Variants in ENOX1 observed in about 807,000 individuals in gnomAD.
ENOX1 encodes the protein candidate growth-related and time keeping constitutive hydroquinone (NADH) oxidase.
ENOX1 carries 42 observed loss-of-function variants against 82.5 expected under a neutral mutation model. The ratio of observed to expected loss-of-function variants is 0.51; its 90% CI spans 0.40 to 0.66. The LOEUF (loss-of-function observed/expected upper bound fraction) is 0.66. ENOX1 is among the 30% of genes least tolerant of loss of function. ENOX1 has a pLI of 0.00. For synonymous variants in ENOX1, 271 were observed against 282.2 expected (o/e 0.96, Z 0.40); for missense variants, 608 against 811.6 (o/e 0.75, Z 3.05).
chr13:43,771,243 C>A (rs1247208178), intron 1 of ENOX1, among the ~76,000 whole-genome samples: 1 of 152,134 alleles, frequency 6.6e-6, no homozygotes, highest in Non-Finnish European at 1.5e-5. Flanking sequence ...AGAGCAGGAA[C>A]CTTTGAGGCC....
intron 12 of ENOX1, among the ~76,000 whole-genome samples, chr13:43,293,841 A>G (rs2046145568): frequency 6.6e-6 from 1 of 152,222 alleles, no homozygotes; most frequent in South Asian, 2.1e-4. Flanking sequence ...TATTTTAGGA[A>G]AGTAGTAATG....
At chr13:43,311,131 C>G (rs1377030236) in intron 11 of ENOX1, among the ~76,000 whole-genome samples, 2 of 151,894 alleles carry the variant, frequency 1.3e-5, no homozygotes, top group Non-Finnish European at 2.9e-5. Context: ...GAGACACACT[C>G]GACATAACAT....
At chr13:43,749,453 C>G (rs1005014892) in intron 1 of ENOX1, among the ~76,000 whole-genome samples, 7 of 152,232 alleles carry the variant, frequency 4.6e-5, no homozygotes, top group Non-Finnish European at 8.8e-5. Flanking sequence ...TGAACAGGTA[C>G]AGAGAGGCAC....
At chr13:43,776,437 A>C (rs557050559) in intron 1 of ENOX1, among the ~76,000 whole-genome samples, 1 of 148,778 alleles carries the variant, frequency 6.7e-6, no homozygotes, top group African/African-American at 2.6e-5. Context: ...GGAACTAGTA[A>C]GATTTTTTTG....
At chr13:43,785,500 T>TA (rs1392219994) in intron 1 of ENOX1, among the ~76,000 whole-genome samples, 1 of 152,204 alleles carries the variant, frequency 6.6e-6, no homozygotes, top group Non-Finnish European at 1.5e-5. Flanking sequence ...GGTCTGCTTT[T>TA]AAAAATTGCT....
intron 3 of ENOX1, among the ~76,000 whole-genome samples, chr13:43,442,073 G>A (rs1473175460): frequency 6.6e-6 from 1 of 151,996 alleles, no homozygotes; most frequent in African/African-American, 2.4e-5. Context: ...ACAGACCAGG[G>A]CCCCAGAGCC....
At chr13:43,467,978 T>C (rs980410807) in intron 3 of ENOX1, among the ~76,000 whole-genome samples, 3 of 113,872 alleles carry the variant, frequency 2.6e-5, no homozygotes, top group African/African-American at 1.0e-4. Flanking sequence ...TGGCCACAGA[T>C]ATAAGGTTTA....
chr13:43,526,076 T>C (rs147933514), intron 2 of ENOX1, among the ~76,000 whole-genome samples: 184 of 152,296 alleles, frequency 1.2e-3, no homozygotes, highest in Middle Eastern at 0.01. Flanking sequence ...CAAACAATGC[T>C]CTATGCAGGC....
At chr13:43,367,697 T>C (rs2050940056) in intron 5 of ENOX1, among the ~76,000 whole-genome samples, 1 of 137,702 alleles carries the variant, frequency 7.3e-6, no homozygotes, top group Non-Finnish European at 1.5e-5. Context: ...GTGTGGTACT[T>C]TGATACAGCA....
At chr13:43,637,429 T>C (rs1467062412) in intron 2 of ENOX1, among the ~76,000 whole-genome samples, 2 of 152,122 alleles carry the variant, frequency 1.3e-5, no homozygotes, top group Non-Finnish European at 2.9e-5. Flanking sequence ...CCACAGATGA[T>C]ACCAAAAATT....
At position 43,786,102 on chromosome 13, in the gene ENOX1, C is replaced by T. The variant is rs1210227941; in HGVS notation, c.-285+550G>A. ...GAGAGGGGACAGTCACGAATAACAA[C>T]AGTACCCAGCGCAGACTAGGCGGGG... On this transcript the variant is annotated intron_variant, in intron 1 of 16. Transcript: ENST00000690772. This position sits in a 1 kb window ranked among gnomAD's most constrained non-coding sequence, Gnocchi z 6.0. Among the ~76,000 whole-genome samples the T allele has an allele frequency of 5.9e-5, 9 of 152,194 alleles. No homozygotes were observed. The East Asian group carries it at 1.5e-3, about 26-fold the overall frequency.
chr13:43,494,081 A>G (rs1203774293), intron 2 of ENOX1, among the ~76,000 whole-genome samples: 1 of 152,164 alleles, frequency 6.6e-6, no homozygotes, highest in Non-Finnish European at 1.5e-5. Flanking sequence ...AACTGCCCTT[A>G]TGATTCAATT....
intron 2 of ENOX1, among the ~76,000 whole-genome samples, chr13:43,491,605 T>G (rs2076621707): frequency 6.6e-6 from 1 of 151,950 alleles, no homozygotes; most frequent in Admixed American, 6.6e-5. Flanking sequence ...CTGTCTCTAC[T>G]AAAAGTACAA....
chr13:43,428,323 G>C (rs2153612080), intron 3 of ENOX1, among the ~76,000 whole-genome samples: 1 of 152,252 alleles, frequency 6.6e-6, no homozygotes, highest in South Asian at 2.1e-4. Context: ...TCCAAATTGG[G>C]CTTAACTCAG....
intron 1 of ENOX1, among the ~76,000 whole-genome samples, chr13:43,678,385 T>G (rs756849230): frequency 6.6e-6 from 1 of 152,230 alleles, no homozygotes; most frequent in Admixed American, 6.5e-5. Context: ...TTATGTAACA[T>G]AGTATCCTGT....
At chr13:43,376,514 C>T (rs574672502) in intron 5 of ENOX1, among the ~76,000 whole-genome samples, 7 of 152,220 alleles carry the variant, frequency 4.6e-5, no homozygotes, top group South Asian at 2.1e-4. Flanking sequence ...TTAGGCTTCA[C>T]GCTTCAAGAG....
At chr13:43,764,847 T>C (rs1289056684) in intron 1 of ENOX1, among the ~76,000 whole-genome samples, 1 of 152,226 alleles carries the variant, frequency 6.6e-6, no homozygotes, top group East Asian at 1.9e-4. Context: ...TAAAAAACAC[T>C]GTCTCCTTCA....
At chr13:43,622,923 G>A (rs981526551) in intron 2 of ENOX1, among the ~76,000 whole-genome samples, 11 of 152,074 alleles carry the variant, frequency 7.2e-5, no homozygotes, top group Non-Finnish European at 1.5e-4. Flanking sequence ...TCCTTGGGAG[G>A]GTCTTGCTGA....
chr13:43,265,400 T>G lies in ENOX1; in HGVS notation c.1609A>C (p.Asn537His), dbSNP rs775186360. ...AATACCAGGTTTGTGGTACCTACATTTGAATCCTCATGGCTGTGGCCATTG... is the reference window on the plus strand; with the variant it reads ...AATACCAGGTTTGTGGTACCTACATGTGAATCCTCATGGCTGTGGCCATTG... ...ETNGHSHEDSNEINVLTVALV... is the reference protein window; with the variant it reads ...ETNGHSHEDSHEINVLTVALV... Residue 537 changes from asparagine (N) to histidine (H), a missense_variant and splice_region_variant, in exon 14 of 17, where the codon AAT (asparagine) becomes CAT (histidine). Transcript: ENST00000690772. 7 of 1,611,394 alleles carry G rather than the reference T, an allele frequency of 4.3e-6. No homozygotes were observed. The Admixed American group carries it at 6.7e-5, about 15-fold the overall frequency.
Sources: allele counts gnomAD v4.1 joint callset (sites outside exome capture counted in the v4.1 genomes callset), GRCh38; gene constraint gnomAD v4.1.1; non-coding constraint Gnocchi (gnomAD v3.1); transcripts MANE v1.5; gene names NCBI Gene and HGNC (gene_info 2026-07-23, HGNC 2026-07-21).